AOAH: variants seen among roughly 807,000 people sequenced by gnomAD.
AOAH encodes acyloxyacyl hydrolase (neutrophil).
In AOAH, 64 loss-of-function variants were observed where a neutral mutation model predicts 92.2. The ratio of observed to expected loss-of-function variants is 0.69; its 90% confidence interval spans 0.57 to 0.86. The LOEUF is 0.86. Among genes scored for constraint, AOAH ranks in the 40% least tolerant of loss-of-function variants. The probability of loss-of-function intolerance (pLI) is 0.00; values close to 1 mark genes in which losing one functional copy is unlikely to be tolerated. For synonymous variants in AOAH, 263 were observed against 254.5 expected (o/e 1.03, Z -0.32); for missense variants, 656 against 694.6 (o/e 0.94, Z 0.62).
rs373716798 is a variant in AOAH at position 36,549,297 on chromosome 7, A to G, written c.1058+142T>C. On this transcript the variant is annotated intron_variant, in intron 14 of 20. Transcript: ENST00000617537. ...AATCACTTTCTATGCTCACTGGCCC[A>G]AGGAGTGATATCCTTGAGTTTGGAT... 65 of 670,354 alleles carry G rather than the reference A, an allele frequency of 9.7e-5. No individual in the cohort carries two copies. In the East Asian group the frequency reaches 1.2e-3, roughly 12 times the overall value. 41.5% of individuals were successfully genotyped at this position (670,354 alleles called of 1,614,324 possible). A position where few individuals can be genotyped will look rare whatever the true frequency, so the allele number is the denominator to read the frequency against.
chr7:36,683,313 A>T (rs897494813), intron 2 of AOAH, among the ~76,000 whole-genome samples: 1 of 152,214 alleles, frequency 6.6e-6, no homozygotes, highest in African/African-American at 2.4e-5. Context: ...AACTTTAGAC[A>T]ACAATTCAAC....
rs185328624 is a variant in AOAH at position 36,534,024 on chromosome 7, G to A, written c.1307-1680C>T. On this transcript the variant is annotated intron_variant, in intron 16 of 20. Transcript: ENST00000617537. ...GGTGTGTCCCCTCCCCCTGAGGGGC[G>A]GCATCTCTCTGCAGCCTGACAGGAG... Among the ~76,000 whole-genome samples the A allele has an allele frequency of 2.9e-3, 436 of 151,992 alleles. 1 individual carries two copies. The highest frequency in any genetic ancestry group is 7.1e-3 in the African/African-American group (293 of 41,442).
At chr7:36,675,845 AGTTAAT>A (rs1179057760) in intron 2 of AOAH, among the ~76,000 whole-genome samples, 2 of 152,224 alleles carry the variant, frequency 1.3e-5, no homozygotes, top group Non-Finnish European at 2.9e-5. Flanking sequence ...TCTGAAAATC[AGTTAAT>A]GTATTACTCC....
At position 36,576,543 on chromosome 7, in the gene AOAH, T is replaced by C; in HGVS notation, c.1021+31A>G. The C allele has an allele frequency of 3.1e-6, 4 of 1,302,400 alleles. No homozygotes were observed. In the South Asian group the frequency reaches 4.0e-5, roughly 13 times the overall value. The allele number at this position is 1,302,400 out of a possible 1,614,324, so 80.7% of individuals were successfully genotyped here. A position where few individuals can be genotyped will look rare whatever the true frequency, so the allele number is the denominator to read the frequency against. On this transcript the variant is annotated intron_variant, in intron 13 of 20. Transcript: ENST00000617537. ...AATAAACTCAATCATTACAGGAACA[T>C]TGATGAAGGCTTAAATGGAAAGTTA...
At chr7:36,521,981 A>C in intron 20 of AOAH, 58 bp downstream of exon 20, 1 of 1,453,050 alleles carries the variant, frequency 6.9e-7, no homozygotes, top group Non-Finnish European at 9.7e-7. Flanking sequence ...TGTAACCATA[A>C]TTAAAAACCA....
chr7:36,539,499 A>G (rs1482360749), intron 16 of AOAH, among the ~76,000 whole-genome samples: 1 of 152,208 alleles, frequency 6.6e-6, no homozygotes, highest in Non-Finnish European at 1.5e-5. Context: ...CCATTGTAAT[A>G]TAAGCTTTCT....
At chr7:36,529,413 C>T (rs3801298) in intron 19 of AOAH, among the ~76,000 whole-genome samples, 67,793 of 151,972 alleles carry the variant, frequency 0.45, 15,659 homozygotes, top group East Asian at 0.68. Context: ...TCTCTCCCCA[C>T]GAGAGAAATG....
At chr7:36,597,356 C>T (rs1562605086) in intron 11 of AOAH, among the ~76,000 whole-genome samples, 1 of 152,126 alleles carries the variant, frequency 6.6e-6, no homozygotes, top group Non-Finnish European at 1.5e-5. Context: ...CCTGCCACTA[C>T]AAAGCAAAAC....
intron 10 of AOAH, among the ~76,000 whole-genome samples, chr7:36,617,905 G>A (rs1197395576): frequency 6.6e-6 from 1 of 152,230 alleles, no homozygotes; most frequent in African/African-American, 2.4e-5. Context: ...CATCCCACCA[G>A]TAGAAGTCCG....
intron 2 of AOAH, among the ~76,000 whole-genome samples, chr7:36,674,918 T>C (rs927224245): frequency 2.6e-5 from 4 of 152,222 alleles, no homozygotes; most frequent in Non-Finnish European, 5.9e-5. Context: ...TTAAAATAGA[T>C]CTATTCTATG....
chr7:36,553,517 G>A (rs1038175619), intron 13 of AOAH, among the ~76,000 whole-genome samples: 7 of 151,808 alleles, frequency 4.6e-5, no homozygotes, highest in Non-Finnish European at 8.8e-5. Context: ...TGGGATGGCT[G>A]GGTCAAATGG....
chr7:36,634,462 G>A (rs1237190404), intron 5 of AOAH, among the ~76,000 whole-genome samples: 2 of 152,094 alleles, frequency 1.3e-5, no homozygotes, highest in Non-Finnish European at 2.9e-5. Context: ...AATCAATCAC[G>A]ACCCTCTCAC....
rs1435484340 is a variant in AOAH, at chr7:36,532,334, A to C, written c.1317T>G (p.Asn439Lys). 6.2e-7 allele frequency: 1 copy of C among 1,613,654 alleles called. No homozygotes were observed. Among genetic ancestry groups the C allele is most frequent in the South Asian group, 1.1e-5 (1 of 91,054 alleles). The change falls in exon 17 of 21, where the codon AAT becomes AAG. Residue 439 changes from asparagine (N) to lysine (K), a missense_variant. Physicochemically the swap from Asn to Lys is moderately conservative, Grantham distance 94 (BLOSUM62 0). Transcript: ENST00000617537. The part of the protein sequence containing the change: ...HNRYHPLGQL[N>K]KDMTYAQLYS... Reference sequence around the variant, plus strand: ...ACAACTGCGCATAGGTCATGTCTTTATTTAGCTGGCCTGGAAAACAGAGAG... The same window carrying C: ...ACAACTGCGCATAGGTCATGTCTTTCTTTAGCTGGCCTGGAAAACAGAGAG...
intron 1 of AOAH, among the ~76,000 whole-genome samples, chr7:36,715,248 C>T (rs1370911404): frequency 6.6e-6 from 1 of 152,056 alleles, no homozygotes; most frequent in East Asian, 1.9e-4. Context: ...CATAAAATAC[C>T]TAGGAATACA....
chr7:36,723,952 TTAC>T, intron 1 of AOAH, 67 bp downstream of exon 1: 15 of 1,510,282 alleles, frequency 9.9e-6, no homozygotes, highest in Non-Finnish European at 1.3e-5. Flanking sequence ...ATGTGATTTA[TTAC>T]GCAAGCAAAG....
At chr7:36,674,051 G>T in intron 2 of AOAH, 42 bp from the exon 3 acceptor site, 1 of 1,222,264 alleles carries the variant, frequency 8.2e-7, no homozygotes, top group South Asian at 1.3e-5. Flanking sequence ...TTTTTATTGC[G>T]ACGAATTTAA....
chr7:36,638,182 C>T (rs767855202), intron 4 of AOAH, among the ~76,000 whole-genome samples: 9 of 152,282 alleles, frequency 5.9e-5, no homozygotes, highest in Admixed American at 2.0e-4. Context: ...ATTTCATAGA[C>T]GAGGAAACCG....
chr7:36,589,886 G>C (rs1032450697), intron 12 of AOAH, among the ~76,000 whole-genome samples: 1 of 152,014 alleles, frequency 6.6e-6, no homozygotes, highest in Non-Finnish European at 1.5e-5. Flanking sequence ...TATATGAATT[G>C]CTTTGGAAAG....
At chr7:36,584,921 C>T (rs1789202757) in intron 12 of AOAH, among the ~76,000 whole-genome samples, 1 of 152,134 alleles carries the variant, frequency 6.6e-6, no homozygotes, top group South Asian at 2.1e-4. Context: ...TATTGAGCAC[C>T]TGCCATGTGT....
Sources: allele counts gnomAD v4.1 joint callset (sites outside exome capture counted in the v4.1 genomes callset), GRCh38; gene constraint gnomAD v4.1.1; transcripts MANE v1.5; gene names NCBI Gene and HGNC (gene_info 2026-07-23, HGNC 2026-07-21).